LAMB2: variants seen among roughly 807,000 people sequenced by gnomAD.
LAMB2 encodes the protein laminin subunit beta 2, also known as laminin subunit beta-2.
In LAMB2, 119 loss-of-function variants were observed where a neutral mutation model predicts 202.7. The ratio of observed to expected loss-of-function variants is 0.59; its 90% CI spans 0.51 to 0.68. The LOEUF (loss-of-function observed/expected upper bound fraction) is 0.68. LAMB2 is among the 30% of genes least tolerant of loss of function. The probability of loss-of-function intolerance (pLI) is 0.00; values close to 1 mark genes in which losing one functional copy is unlikely to be tolerated. For synonymous variants in LAMB2, 818 were observed against 902.2 expected, an observed-to-expected ratio of 0.91 and a Z score of 1.67; for missense variants, 2,124 against 2,410.6, an observed-to-expected ratio of 0.88 and a Z score of 2.49.
Position 49,131,738 on chromosome 3 carries a change from A to G in LAMB2, c.460-15T>C, listed in dbSNP as rs2045484437. 1.2e-6 allele frequency: 2 copies of G among 1,612,342 alleles called. No homozygotes were observed. Among genetic ancestry groups the G allele is most frequent in the African/African-American group, 1.3e-5 (1 of 74,920 alleles). Reference sequence around the variant, plus strand: ...GGGCGAAATGTCTGGGTAGGGGGGCATAGCTGATCAGCAGGCACCAGGACC... The same window carrying G: ...GGGCGAAATGTCTGGGTAGGGGGGCGTAGCTGATCAGCAGGCACCAGGACC... On this transcript the variant is annotated splice_polypyrimidine_tract_variant and intron_variant, in intron 4 of 31. Transcript: ENST00000305544. This position sits in a 1 kb window ranked among gnomAD's most constrained non-coding sequence, Gnocchi z 5.0.
chr3:49,132,352 G>T lies in LAMB2; in HGVS notation c.303C>A (p.Asp101Glu). Residue 101 changes from aspartate (D) to glutamate (E), a missense_variant, in exon 3 of 32, where the codon GAC (aspartate) becomes GAA (glutamate). Coordinates refer to ENST00000305544, the MANE Select transcript of LAMB2 (RefSeq NM_002292.4). This position sits in a 1 kb window ranked among gnomAD's most constrained non-coding sequence, Gnocchi z 4.6. ...TCTGGATGCGATGGCTGTGTGGGTT[G>T]TCTCTAGCAGAGAAGGGGCGCCGGG... ...CDSRRPFSAR[D>E]NPHSHRIQNV... 1 of 1,614,256 alleles carries T rather than the reference G, an allele frequency of 6.2e-7. No homozygotes were observed. The highest frequency in any genetic ancestry group is 1.6e-4 in the Middle Eastern group (1 of 6,062).
chr3:49,128,554 A>G lies in LAMB2; in HGVS notation c.1922T>C (p.Ile641Thr), dbSNP rs755296612. ...VPEQWAELEL[I>T]VQRPGPVPAH... The stretch of plus-strand genomic sequence containing the variant: ...AGGCACAGGCCCTGGACGCTGCACA[A>G]TCAGTTCCAACTCTGCCCATTGCTC... Residue 641 changes from isoleucine (I) to threonine (T), a missense_variant, in exon 15 of 32, where the codon ATT becomes ACT. Ile to Thr is a moderately conservative substitution (Grantham distance 89, BLOSUM62 -1). Around this residue, in one of 3 missense-constraint regions of LAMB2, gnomAD observed 1,702 missense variants for 1,896.3 expected, o/e 0.90. Coordinates refer to ENST00000305544, the MANE Select transcript of LAMB2 (RefSeq NM_002292.4). 1.2e-6 allele frequency: 2 copies of G among 1,614,204 alleles called. No homozygotes were observed. The highest frequency in any genetic ancestry group is 3.3e-5 in the Admixed American group (2 of 60,024).
rs773666437 is a variant in LAMB2, at chr3:49,125,212, C to A, written c.2720+41G>T. 10 of 1,613,642 alleles carry A rather than the reference C, an allele frequency of 6.2e-6. No individual in the cohort carries two copies. The Admixed American group carries it at 1.7e-4, about 27-fold the overall frequency. ...AAGAAATGTGTCATCCCTGGGAAGC[C>A]TGCCCACCAACCAACCCACTCATAG... On this transcript the variant is annotated intron_variant, in intron 19 of 31. Transcript: ENST00000305544.
rs553121061 is a variant in LAMB2, at chr3:49,122,770, C to G, written c.4507G>C (p.Gly1503Arg). 1.2e-6 allele frequency: 2 copies of G among 1,614,118 alleles called. No individual in the cohort carries two copies. The highest frequency in any genetic ancestry group is 1.7e-6 in the Non-Finnish European group (2 of 1,180,018). The change falls in exon 27 of 32, where the codon GGA becomes CGA. Residue 1503 changes from glycine to arginine, a missense_variant. This residue lies in a region of LAMB2 where 1,702 missense variants were observed against 1,896.3 expected (regional missense o/e 0.90). Transcript: ENST00000305544. ...TCCTGGTTGGCCTGTTCCACCTGTCCCCTGGAAGCATTAGCCTTGTCCAGG... is the reference window on the plus strand; with the variant it reads ...TCCTGGTTGGCCTGTTCCACCTGTCGCCTGGAAGCATTAGCCTTGTCCAGG... ...AALDKANASRGQVEQANQELQ... is the reference protein window; with the variant it reads ...AALDKANASRRQVEQANQELQ...
chr3:49,131,614 G>A lies in LAMB2; in HGVS notation c.569C>T (p.Pro190Leu), dbSNP rs757683201. 4 of 1,613,676 alleles carry A rather than the reference G, an allele frequency of 2.5e-6. No individual in the cohort carries two copies. The African/African-American group carries it at 5.3e-5, about 22-fold the overall frequency. The change falls in exon 5 of 32, where the codon CCA (proline) becomes CTA (leucine). Residue 190 changes from proline (P) to leucine (L), a missense_variant. By Grantham distance (98) the Pro-to-Leu change is moderately conservative (BLOSUM62 -3). This residue lies in a region of LAMB2 where 256 missense variants were observed against 356.1 expected (regional missense o/e 0.72). Transcript: ENST00000305544. The surrounding 1 kb of genome is among the most constrained non-coding windows in gnomAD (Gnocchi z 5.0). ...YDCGADFPGV[P>L]LAPPRHWDDV... Reference sequence around the variant, plus strand: ...ATCCCAGTGCCGTGGGGGTGCTAGTGGGACTCCTGGGAAGTCAGCCCCACA... The same window carrying A: ...ATCCCAGTGCCGTGGGGGTGCTAGTAGGACTCCTGGGAAGTCAGCCCCACA...
chr3:49,125,415 C>A lies in LAMB2; in HGVS notation c.2558G>T (p.Arg853Leu), dbSNP rs774703538. ...CEKTSGQCLC[R>L]TGAFGLRCDR... ...ACAGCGAAGCCCAAAGGCACCAGTT[C>A]GACAGAGACATTGCCCACTGGTCTT... The change falls in exon 19 of 32, where the codon CGA (arginine) becomes CTA (leucine). Residue 853 changes from arginine to leucine, a missense_variant. Arg to Leu is a moderately radical substitution (Grantham distance 102). Around this residue, in one of 3 missense-constraint regions of LAMB2, gnomAD observed 1,702 missense variants for 1,896.3 expected, o/e 0.90. Coordinates refer to ENST00000305544, the MANE Select transcript of LAMB2 (RefSeq NM_002292.4). The A allele has an allele frequency of 7.4e-6, 12 of 1,613,752 alleles. No individual in the cohort carries two copies. In the Admixed American group the frequency reaches 1.2e-4, roughly 16 times the overall value.
Position 49,132,682 on chromosome 3 carries a change from T to A in LAMB2, c.77-19A>T. The A allele has an allele frequency of 6.2e-7, 1 of 1,614,146 alleles. No homozygotes were observed. The highest frequency in any genetic ancestry group is 8.5e-7 in the Non-Finnish European group (1 of 1,180,024). On this transcript the variant is annotated intron_variant, in intron 1 of 31. Transcript: ENST00000305544. This position sits in a 1 kb window ranked among gnomAD's most constrained non-coding sequence, Gnocchi z 4.6. ...GCCAGCACTGGGGACAGTAGCTCAG[T>A]CAGTTCCGCTGAGTTCCTATCCAGT...
Position 49,132,999 on chromosome 3 carries a change from C to T in LAMB2, c.-132G>A. 3.9e-6 allele frequency: 3 copies of T among 765,418 alleles called. No homozygotes were observed. The South Asian group carries it at 4.7e-5, about 12-fold the overall frequency. The allele number at this position is 765,418 out of a possible 1,614,324, so 47.4% of individuals were successfully genotyped here. ...TTCCCTCCAGGCCCTCTGTCAGTTC[C>T]CAGGTCTGTCCAGCGGTCCCTCCGA... On this transcript the variant is annotated 5_prime_UTR_variant, in exon 1 of 32. Coordinates refer to ENST00000305544, the MANE Select transcript of LAMB2 (RefSeq NM_002292.4). This position sits in a 1 kb window ranked among gnomAD's most constrained non-coding sequence, Gnocchi z 4.6.
chr3:49,129,634 T>C lies in LAMB2; in HGVS notation c.1488A>G (p.Leu496=). ...AGCGGTCACATCCACGTCCAGTCACTAGACGTTTGCAGTAACAGGATCCAC... is the reference window on the plus strand; with the variant it reads ...AGCGGTCACATCCACGTCCAGTCACCAGACGTTTGCAGTAACAGGATCCAC... ...PNSGSCYCKR[L]VTGRGCDRCL... Residue 496 remains leucine, a synonymous_variant, in exon 11 of 32, where the codon CTA becomes CTG. Transcript: ENST00000305544. The surrounding 1 kb of genome is among the most constrained non-coding windows in gnomAD (Gnocchi z 6.1). 1 of 1,614,118 alleles carries C rather than the reference T, an allele frequency of 6.2e-7. No individual in the cohort carries two copies. Among genetic ancestry groups the C allele is most frequent in the Non-Finnish European group, 8.5e-7 (1 of 1,179,954 alleles).
Position 49,130,192 on chromosome 3 carries a change from G to C in LAMB2, c.1225+39C>G. The C allele has an allele frequency of 6.2e-7, 1 of 1,610,818 alleles. No homozygotes were observed. The highest frequency in any genetic ancestry group is 8.5e-7 in the Non-Finnish European group (1 of 1,178,176). ...GTCCAGCTCTCTAGTTCCTGCCCCA[G>C]GCTCAGCTTTCTCTCCCCGTGCCCA... On this transcript the variant is annotated intron_variant, in intron 9 of 31. Coordinates refer to ENST00000305544, the MANE Select transcript of LAMB2 (RefSeq NM_002292.4). The surrounding 1 kb of genome is among the most constrained non-coding windows in gnomAD (Gnocchi z 5.0).
chr3:49,128,018 C>CAAAAA (rs1156873652), intron 15 of LAMB2, among the ~76,000 whole-genome samples: 643 of 25,750 alleles, frequency 0.025, no homozygotes, highest in Non-Finnish European at 0.033. Context: ...GACTCCGTCT[C>CAAAAA]AAAAAAAAAA....
At chr3:49,121,901 A>G (rs2045283148) in intron 29 of LAMB2, 41 bp from the exon 30 acceptor site, 1 of 1,613,798 alleles carries the variant, frequency 6.2e-7, no homozygotes, top group Non-Finnish European at 8.5e-7. Context: ...TCTACGGTTC[A>G]TGCCCATAAC....
In LAMB2 at chr3:49,124,295, G is replaced by A. The variant is rs1171842943; in HGVS notation, c.3328-9C>T. ...TGGCACTGCCCTGTGAACTGGGGTG[G>A]GAACAAGGCAGGGTCAGAGCCTCTA... is the stretch of plus-strand genomic sequence containing the variant. On this transcript the variant is annotated splice_polypyrimidine_tract_variant and intron_variant, in intron 22 of 31. Transcript: ENST00000305544. 5 of 1,613,790 alleles carry A rather than the reference G, an allele frequency of 3.1e-6. No individual in the cohort carries two copies. In the African/African-American group the frequency reaches 5.3e-5, roughly 17 times the overall value.
At position 49,125,260 on chromosome 3, in the gene LAMB2, A is replaced by G. The variant is rs780216920; in HGVS notation, c.2713T>C (p.Cys905Arg). The change falls in exon 19 of 32, where the codon TGT becomes CGT. Residue 905 changes from cysteine to arginine, a missense_variant. By Grantham distance (180) the Cys-to-Arg change is radical. Around this residue, in one of 3 missense-constraint regions of LAMB2, gnomAD observed 1,702 missense variants for 1,896.3 expected, o/e 0.90. Coordinates refer to ENST00000305544, the MANE Select transcript of LAMB2 (RefSeq NM_002292.4). ...TAGCTGCTCCAGTCTCACCTTTCAC[A>G]GTGCTCACCCCCTGTGTGATCACGG... ...GCRDHTGGEH[C>R]ERCIAGFHGD... 3 of 1,613,884 alleles carry G rather than the reference A, an allele frequency of 1.9e-6. No individual in the cohort carries two copies. The Admixed American group carries it at 5.0e-5, about 27-fold the overall frequency.
rs753404787 is a variant in LAMB2 at position 49,130,054 on chromosome 3, A to T, written c.1226-36T>A. On this transcript the variant is annotated intron_variant, in intron 9 of 31. Coordinates refer to ENST00000305544, the MANE Select transcript of LAMB2 (RefSeq NM_002292.4). The surrounding 1 kb of genome is among the most constrained non-coding windows in gnomAD (Gnocchi z 5.0). ...AAAGAGATACAGGGTCACTCACCCT[A>T]TCTCAACTAGCTCACTGCCAGTCCT... The T allele has an allele frequency of 1.2e-6, 2 of 1,608,294 alleles. No homozygotes were observed. Among genetic ancestry groups the T allele is most frequent in the Non-Finnish European group, 1.7e-6 (2 of 1,175,208 alleles).
rs1045158677 is a variant in LAMB2, at chr3:49,122,091, G to A, written c.4782-6C>T. On this transcript the variant is annotated splice_polypyrimidine_tract_variant and splice_region_variant and intron_variant, in intron 28 of 31. Transcript: ENST00000305544. ...TCTCATCCTCAGCCCAGCTCCTGGGGAGAAGGGGGAATCAGAACCTGGAGG... is the reference window on the plus strand; with the variant it reads ...TCTCATCCTCAGCCCAGCTCCTGGGAAGAAGGGGGAATCAGAACCTGGAGG... The A allele has an allele frequency of 2.5e-6, 4 of 1,613,344 alleles. No homozygotes were observed. The Admixed American group carries it at 5.0e-5, about 20-fold the overall frequency.
At position 49,130,790 on chromosome 3, in the gene LAMB2, C is replaced by G; in HGVS notation, c.986G>C (p.Arg329Pro). 6.2e-7 allele frequency: 1 copy of G among 1,614,152 alleles called. No homozygotes were observed. The highest frequency in any genetic ancestry group is 8.5e-7 in the Non-Finnish European group (1 of 1,180,018). The change falls in exon 8 of 32, where the codon CGT (arginine) becomes CCT (proline). Residue 329 changes from arginine (R) to proline (P), a missense_variant. By Grantham distance (103) the Arg-to-Pro change is moderately radical (BLOSUM62 -2). Coordinates refer to ENST00000305544, the MANE Select transcript of LAMB2 (RefSeq NM_002292.4). This position sits in a 1 kb window ranked among gnomAD's most constrained non-coding sequence, Gnocchi z 5.0. ...CTCAGCCGGACGCCAGGGCAGGTCA[C>G]GATAGAAATCCTGACACTGCTCGCA... ...LNCEQCQDFY[R>P]DLPWRPAEDG...
Position 49,130,921 on chromosome 3 carries a change from C to T in LAMB2, c.915+29G>A, listed in dbSNP as rs1378461652. 1.9e-6 allele frequency: 3 copies of T among 1,614,050 alleles called. No homozygotes were observed. Among genetic ancestry groups the T allele is most frequent in the Admixed American group, 1.7e-5 (1 of 60,016 alleles). On this transcript the variant is annotated intron_variant, in intron 7 of 31. Coordinates refer to ENST00000305544, the MANE Select transcript of LAMB2 (RefSeq NM_002292.4). The surrounding 1 kb of genome is among the most constrained non-coding windows in gnomAD (Gnocchi z 5.0). ...CAGCCATGTCCGCCCCTGCCCCTAG[C>T]CCTATCCCAACCGTCTGAAGCCCCT... is the stretch of plus-strand genomic sequence containing the variant.
chr3:49,131,762 C>T lies in LAMB2; in HGVS notation c.460-39G>A, dbSNP rs779276970. On this transcript the variant is annotated intron_variant, in intron 4 of 31. Coordinates refer to ENST00000305544, the MANE Select transcript of LAMB2 (RefSeq NM_002292.4). This position sits in a 1 kb window ranked among gnomAD's most constrained non-coding sequence, Gnocchi z 5.0. ...CATAGCTGATCAGCAGGCACCAGGA[C>T]CCAAGCCCAACCCAGAGCCATCAAG... The T allele has an allele frequency of 9.3e-6, 15 of 1,606,786 alleles. No individual in the cohort carries two copies. The Middle Eastern group carries it at 6.6e-4, about 71-fold the overall frequency.
Sources: allele counts gnomAD v4.1 joint callset (sites outside exome capture counted in the v4.1 genomes callset), GRCh38; gene constraint gnomAD v4.1.1; regional missense constraint gnomAD v4.1.1; non-coding constraint Gnocchi (gnomAD v3.1); transcripts MANE v1.5; gene names NCBI Gene and HGNC (gene_info 2026-07-23, HGNC 2026-07-21).